RTEL1: variants seen among roughly 807,000 people sequenced by gnomAD.
RTEL1 encodes the protein regulator of telomere length.
A neutral mutation model predicts 162.2 loss-of-function variants in RTEL1; 86 were observed. The observed-to-expected ratio is 0.53, with a 90% CI of 0.45 to 0.63. The LOEUF (loss-of-function observed/expected upper bound fraction) is 0.63. Among genes scored for constraint, RTEL1 ranks in the 30% least tolerant of loss-of-function variants. The pLI, the probability that RTEL1 is intolerant of heterozygous loss-of-function variation, is 0.00. For missense variants in RTEL1, 1,941 were observed against 1,750.2 expected, an observed-to-expected ratio of 1.11 and a Z score of -1.95; for synonymous variants, 958 against 717.9, an observed-to-expected ratio of 1.33 and a Z score of -5.35.
chr20:63,672,619 G>C lies in RTEL1; in HGVS notation c.763G>C (p.Val255Leu). The part of the protein sequence containing the change: ...TVVIFDEAHN[V>L]EKMCEESASF... Reference sequence around the variant, plus strand: ...CGTGATCTTTGACGAAGCTCACAACGTGGTGAGTCTCCGCTGGCCTCCTAA... The same window carrying C: ...CGTGATCTTTGACGAAGCTCACAACCTGGTGAGTCTCCGCTGGCCTCCTAA... The change falls in exon 9 of 35, where the codon GTG becomes CTG. Residue 255 changes from valine to leucine, a missense_variant and splice_region_variant. By Grantham distance (32) the Val-to-Leu change is conservative. Transcript: ENST00000360203. 1.9e-6 allele frequency: 3 copies of C among 1,581,438 alleles called. No homozygotes were observed. Among genetic ancestry groups the C allele is most frequent in the Non-Finnish European group, 1.7e-6 (2 of 1,161,156 alleles).
chr20:63,683,334 G>A (rs977469923), intron 14 of RTEL1, among the ~76,000 whole-genome samples: 2 of 152,216 alleles, frequency 1.3e-5, no homozygotes, highest in Non-Finnish European at 2.9e-5. Flanking sequence ...AGCCACCAGC[G>A]TGGGGGTGAA....
chr20:63,677,115 T>C (rs1601129502), intron 10 of RTEL1, among the ~76,000 whole-genome samples: 1 of 151,708 alleles, frequency 6.6e-6, no homozygotes, highest in African/African-American at 2.4e-5. Context: ...TGTCTGGGAG[T>C]CAGGATTTTT....
intron 2 of RTEL1, among the ~76,000 whole-genome samples, chr20:63,660,986 G>T (rs2090008422): frequency 6.6e-6 from 1 of 152,262 alleles, no homozygotes; most frequent in Admixed American, 6.5e-5. Flanking sequence ...CAGAAACGCA[G>T]AACAGTTTCC....
At position 63,669,131 on chromosome 20, in the gene RTEL1, C is replaced by T. The variant is rs952086848; in HGVS notation, c.699+1578C>T. Among the ~76,000 whole-genome samples the T allele has an allele frequency of 5.3e-5, 8 of 152,116 alleles. No individual in the cohort carries two copies. The South Asian group carries it at 1.0e-3, about 20-fold the overall frequency. On this transcript the variant is annotated intron_variant, in intron 8 of 34. Transcript: ENST00000360203. ...CCGAGTAGCTGGGATTACAGGCGTGCGCCACCATGCCTGGCCCTTGGTGAT... is the reference window on the plus strand; with the variant it reads ...CCGAGTAGCTGGGATTACAGGCGTGTGCCACCATGCCTGGCCCTTGGTGAT...
At chr20:63,688,086 G>C in intron 18 of RTEL1, 36 bp downstream of exon 18, 6 of 1,612,044 alleles carry the variant, frequency 3.7e-6, no homozygotes, top group Non-Finnish European at 5.1e-6. Flanking sequence ...TGGGGTGGGA[G>C]GTGGGGGAGC....
chr20:63,695,401 G>T lies in RTEL1; in HGVS notation c.3573G>T (p.Gly1191=). ...ISSFLRQRPA[G]TVGAGGEDAG... ...CCTTCCTTAGACAGAGGCCAGCAGG[G>T]ACTGTGGGGGCGGGCGGTGAGGATG... Residue 1191 remains glycine, a synonymous_variant, in exon 34 of 35, where the codon GGG becomes GGT. Coordinates refer to ENST00000360203, the MANE Select transcript of RTEL1 (RefSeq NM_001283009.2). 6.4e-7 allele frequency: 1 copy of T among 1,558,788 alleles called. No individual in the cohort carries two copies.
intron 14 of RTEL1, chr20:63,682,492 C>T (rs1422279456): frequency 3.0e-6 from 3 of 985,702 alleles, no homozygotes; most frequent in Admixed American, 6.1e-5. Flanking sequence ...GGAGAAGACT[C>T]CACACTCTGG....
intron 2 of RTEL1, among the ~76,000 whole-genome samples, chr20:63,659,994 A>T (rs932113231): frequency 6.6e-6 from 1 of 152,198 alleles, no homozygotes; most frequent in Non-Finnish European, 1.5e-5. Flanking sequence ...GGAAGGTACT[A>T]TGCCTGGATG....
rs866782181 is a variant in RTEL1, at chr20:63,672,559, C to T, written c.703C>T (p.Arg235Cys). Residue 235 changes from arginine to cysteine, a missense_variant, in exon 9 of 35, where the codon CGC becomes TGC. Physicochemically the swap from Arg to Cys is radical, Grantham distance 180. Transcript: ENST00000360203. The part of the protein sequence containing the change: ...PYNYLLDAKS[R>C]RAHNIDLKGT... The stretch of plus-strand genomic sequence containing the variant: ...GTCCCTTCTCTTCCTCCTGTAGAGC[C>T]GCAGAGCACACAACATTGACCTGAA... 5.1e-6 allele frequency: 8 copies of T among 1,578,692 alleles called. No homozygotes were observed. Among genetic ancestry groups the T allele is most frequent in the African/African-American group, 1.3e-5 (1 of 74,428 alleles).
At position 63,685,510 on chromosome 20, in the gene RTEL1, C is replaced by G. The variant is rs200449854; in HGVS notation, c.1192-13C>G. 30 of 1,611,862 alleles carry G rather than the reference C, an allele frequency of 1.9e-5. No homozygotes were observed. The African/African-American group carries it at 3.6e-4, about 19-fold the overall frequency. ...CAGGCTCCTGACGGGGCTGCACTTC[C>G]TCTGCCTTTCAGATTGTGTTCAGTG... On this transcript the variant is annotated splice_polypyrimidine_tract_variant and intron_variant, in intron 14 of 34. Coordinates refer to ENST00000360203, the MANE Select transcript of RTEL1 (RefSeq NM_001283009.2).
chr20:63,677,069 C>T (rs775372903), intron 10 of RTEL1, among the ~76,000 whole-genome samples: 3 of 150,124 alleles, frequency 2.0e-5, no homozygotes, highest in African/African-American at 7.4e-5. Context: ...CATGTGGGCT[C>T]TTGTGTCCTG....
rs372877885 is a variant in RTEL1 at position 63,695,368 on chromosome 20, G to A, written c.3540G>A (p.Lys1180=). ...RSEKTGKTQS[K]ISSFLRQRPA... is the part of the protein sequence containing the mutation. ...AGAAGACCGGGAAGACCCAGAGCAA[G>A]ATCTCGTCCTTCCTTAGACAGAGGC... The change falls in exon 34 of 35, where the codon AAG becomes AAA. Residue 1180 remains lysine (K), a synonymous_variant. Coordinates refer to ENST00000360203, the MANE Select transcript of RTEL1 (RefSeq NM_001283009.2). 39 of 1,548,978 alleles carry A rather than the reference G, an allele frequency of 2.5e-5. No homozygotes were observed. Among genetic ancestry groups the A allele is most frequent in the African/African-American group, 2.2e-4 (16 of 73,242 alleles).
At chr20:63,658,722 C>G (rs995714618) in intron 1 of RTEL1, 1 of 152,926 alleles carries the variant, frequency 6.5e-6, no homozygotes, top group Non-Finnish European at 1.5e-5. Context: ...CTGTTAGTCC[C>G]AGTTCCCGGG....
chr20:63,693,266 C>T lies in RTEL1; in HGVS notation c.2975C>T (p.Pro992Leu), dbSNP rs143967591. The T allele has an allele frequency of 1.1e-3, 1,747 of 1,611,800 alleles. 6 individuals carry two copies. The highest frequency in any genetic ancestry group is 9.3e-3 in the Middle Eastern group (56 of 6,048). ...ATTCCCCGAAGGCAGCGGGCACAGCCGGTCCTGGACCCCACTGGTAAATGG... is the reference window on the plus strand; with the variant it reads ...ATTCCCCGAAGGCAGCGGGCACAGCTGGTCCTGGACCCCACTGGTAAATGG... The part of the protein sequence containing the change: ...HSIPRRQRAQ[P>L]VLDPTGRTAP... Residue 992 changes from proline (P) to leucine (L), a missense_variant, in exon 30 of 35, where the codon CCG (proline) becomes CTG (leucine). Physicochemically the swap from Pro to Leu is moderately conservative, Grantham distance 98 (BLOSUM62 -3). Coordinates refer to ENST00000360203, the MANE Select transcript of RTEL1 (RefSeq NM_001283009.2).
chr20:63,662,086 G>T, intron 4 of RTEL1, 143 bp downstream of exon 4: 1 of 703,926 alleles, frequency 1.4e-6, no homozygotes. Context: ...GAGCGCTGGT[G>T]CCCAGGGGTG....
Position 63,688,390 on chromosome 20 carries a change from C to T in RTEL1, c.1722+4C>T, listed in dbSNP as rs369260697. 16 of 1,610,994 alleles carry T rather than the reference C, an allele frequency of 9.9e-6. No homozygotes were observed. The highest frequency in any genetic ancestry group is 1.6e-4 in the Middle Eastern group (1 of 6,080). On this transcript the variant is annotated splice_donor_region_variant and intron_variant, in intron 20 of 34. Transcript: ENST00000360203. ...GAAGAGCCTGGAGTTCTGGCGGGTG[C>T]GTCTCCCCTGTGTTCTGGGCGGGGT... is the stretch of plus-strand genomic sequence containing the variant.
Position 63,692,718 on chromosome 20 carries a change from C to T in RTEL1, c.2653-87C>T, listed in dbSNP as rs141600567. 2,099 of 1,306,936 alleles carry T rather than the reference C, an allele frequency of 1.6e-3. 23 individuals carry two copies. The African/African-American group carries it at 0.021, about 13-fold the overall frequency. 81.0% of individuals were successfully genotyped at this position (1,306,936 alleles called of 1,614,324 possible). A position where few individuals can be genotyped will look rare whatever the true frequency, so the allele number is the denominator to read the frequency against. On this transcript the variant is annotated intron_variant, in intron 28 of 34. Coordinates refer to ENST00000360203, the MANE Select transcript of RTEL1 (RefSeq NM_001283009.2). ...CCTCGGCAGTCACTGTCCCAGGGAA[C>T]GCTCAATGTTCCAAGGAAGGCTCTG... is the stretch of plus-strand genomic sequence containing the variant.
chr20:63,666,183 T>A, intron 7 of RTEL1, 104 bp downstream of exon 7: 1 of 944,420 alleles, frequency 1.1e-6, no homozygotes. Flanking sequence ...TTGTTCCTTT[T>A]TAAATTATGA....
In RTEL1 at chr20:63,690,027, G is replaced by A. The variant is rs975877513; in HGVS notation, c.2142-60G>A. ...TGCAGCAGATGAGGGTCTTCACTTC[G>A]GTGAACTGAACCCTTGAAGCGGCTG... On this transcript the variant is annotated intron_variant, in intron 24 of 34. Transcript: ENST00000360203. 39 of 1,585,016 alleles carry A rather than the reference G, an allele frequency of 2.5e-5. 1 individual carries two copies. The highest frequency in any genetic ancestry group is 1.6e-4 in the South Asian group (14 of 90,070).
Sources: gnomAD v4.1 joint callset for allele counts (sites outside exome capture counted in the v4.1 genomes callset) on GRCh38, gnomAD v4.1.1 for gene constraint, MANE v1.5 for transcripts, NCBI Gene and HGNC (gene_info 2026-07-23, HGNC 2026-07-21) for gene names.